NEMP2: variants seen among roughly 807,000 people sequenced by gnomAD.
NEMP2 encodes UPF0571 transmembrane protein.
A neutral mutation model predicts 54.2 loss-of-function variants in NEMP2; 53 were observed. The ratio of observed to expected loss-of-function variants is 0.98; its 90% CI spans 0.78 to 1.23. NEMP2 has a LOEUF of 1.23. Ranked by LOEUF, NEMP2 falls within the 50% of genes most tolerant of loss-of-function variation. NEMP2 has a pLI of 0.00. For synonymous variants in NEMP2, 197 were observed against 190.3 expected (o/e 1.04, Z -0.29); for missense variants, 455 against 511.3 (o/e 0.89, Z 1.06).
At chr2:190,500,811 C>A (rs1421137817), downstream of NEMP2, 1 of 152,612 alleles carries the variant, frequency 6.6e-6, no homozygotes, top group African/African-American at 2.4e-5. The surrounding 1 kb of genome is among the most constrained non-coding windows in gnomAD (Gnocchi z 5.3). Context: ...CTTTACATAT[C>A]TTTAGCAAAT....
At chr2:190,636,314 G>A in the NEMP2 span, among the ~76,000 whole-genome samples, 1 of 152,050 alleles carries the variant, frequency 6.6e-6, no homozygotes, top group Admixed American at 6.5e-5. Context: ...TCAGATTTTT[G>A]GATTTTCTCA....
At chr2:190,427,299 C>T in the NEMP2 span, among the ~76,000 whole-genome samples, 1 of 152,164 alleles carries the variant, frequency 6.6e-6, no homozygotes, top group Non-Finnish European at 1.5e-5. Context: ...TTGGGGGTTC[C>T]CCATTATAGC....
At position 190,509,135 on chromosome 2, in the gene NEMP2, C is replaced by T; in HGVS notation, c.*54G>A. The T allele has an allele frequency of 6.5e-7, 1 of 1,545,090 alleles. No individual in the cohort carries two copies. The highest frequency in any genetic ancestry group is 8.7e-7 in the Non-Finnish European group (1 of 1,143,228). On this transcript the variant is annotated 3_prime_UTR_variant, in exon 9 of 9. Coordinates refer to ENST00000409150, the MANE Select transcript of NEMP2 (RefSeq NM_001142645.2). The surrounding 1 kb of genome is among the most constrained non-coding windows in gnomAD (Gnocchi z 6.1). ...AGTTCTGCCTAACTTTAATAGAATC[C>T]CTGCCCTTTGCCCACTTCCTTGTCC...
chr2:190,523,538 G>GTGTA lies in NEMP2; in HGVS notation c.213+1721_213+1724dup, dbSNP rs1559164208. On this transcript the variant is annotated intron_variant, in intron 2 of 8. Transcript: ENST00000409150. The surrounding 1 kb of genome is among the most constrained non-coding windows in gnomAD (Gnocchi z 5.3). ...TAGATGTATGTGCAGGCCTATGCGT[G>GTGTA]TGTATGTGTTTGTACACACATGATG... Among the ~76,000 whole-genome samples the GTGTA allele has an allele frequency of 6.6e-6, 1 of 152,176 alleles. No individual in the cohort carries two copies. The highest frequency in any genetic ancestry group is 2.4e-5 in the African/African-American group (1 of 41,444).
chr2:190,470,797 A>G, the NEMP2 span, among the ~76,000 whole-genome samples: 1 of 152,230 alleles, frequency 6.6e-6, no homozygotes, highest in African/African-American at 2.4e-5. Context: ...AACAGAATGT[A>G]CAAAATGCCA....
At chr2:190,620,160 C>T in the NEMP2 span, among the ~76,000 whole-genome samples, 1 of 152,124 alleles carries the variant, frequency 6.6e-6, no homozygotes, top group African/African-American at 2.4e-5. This position sits in a 1 kb window ranked among gnomAD's most constrained non-coding sequence, Gnocchi z 4.9. Flanking sequence ...AGAAGTTTGT[C>T]GAGACAGTTT....
chr2:190,421,550 G>T, the NEMP2 span, among the ~76,000 whole-genome samples: 2 of 151,970 alleles, frequency 1.3e-5, no homozygotes, highest in South Asian at 4.2e-4. Flanking sequence ...TCTCTTCCCA[G>T]AGGCAACTAC....
chr2:190,477,825 A>G, the NEMP2 span, among the ~76,000 whole-genome samples: 5 of 152,324 alleles, frequency 3.3e-5, no homozygotes, highest in South Asian at 1.0e-3. Flanking sequence ...TAACTTTGTG[A>G]AGCAGGGAGT....
rs190778085 is a variant in NEMP2, at chr2:190,520,007, G to A, written c.214-824C>T. Among the ~76,000 whole-genome samples the A allele has an allele frequency of 9.0e-4, 137 of 152,022 alleles. No homozygotes were observed. The highest frequency in any genetic ancestry group is 1.4e-3 in the Non-Finnish European group (92 of 67,996). On this transcript the variant is annotated intron_variant, in intron 2 of 8. Coordinates refer to ENST00000409150, the MANE Select transcript of NEMP2 (RefSeq NM_001142645.2). This position sits in a 1 kb window ranked among gnomAD's most constrained non-coding sequence, Gnocchi z 5.4. Reference sequence around the variant, plus strand: ...GTTTTTTTAAAGATATAATTCTATTGCACCCTTAATAGACTAACAGTATAG... The same window carrying A: ...GTTTTTTTAAAGATATAATTCTATTACACCCTTAATAGACTAACAGTATAG...
chr2:190,515,407 C>T (rs1690518094), intron 6 of NEMP2, among the ~76,000 whole-genome samples: 2 of 152,120 alleles, frequency 1.3e-5, no homozygotes, highest in South Asian at 4.1e-4. Flanking sequence ...CAGGACAAAA[C>T]AGATACTAAA....
chr2:190,570,866 T>A, the NEMP2 span, among the ~76,000 whole-genome samples: 56 of 152,358 alleles, frequency 3.7e-4, no homozygotes, highest in East Asian at 8.7e-3. This position sits in a 1 kb window ranked among gnomAD's most constrained non-coding sequence, Gnocchi z 5.4. Context: ...TGTAATTCAC[T>A]TCAAACAAAA....
the NEMP2 span, among the ~76,000 whole-genome samples, chr2:190,581,868 T>G: frequency 6.6e-6 from 1 of 152,114 alleles, no homozygotes; most frequent in Non-Finnish European, 1.5e-5. Flanking sequence ...TTGCAATTCC[T>G]AAAAAGTCAT....
chr2:190,498,176 C>G, the NEMP2 span, among the ~76,000 whole-genome samples: 1 of 152,162 alleles, frequency 6.6e-6, no homozygotes, highest in Non-Finnish European at 1.5e-5. This position sits in a 1 kb window ranked among gnomAD's most constrained non-coding sequence, Gnocchi z 5.9. Context: ...CAGGTGGCCT[C>G]ACCTGAAAAA....
At position 190,534,619 on chromosome 2, in the gene NEMP2, A is replaced by C. The variant is rs897579732; in HGVS notation, c.37T>G (p.Trp13Gly). The change falls in exon 1 of 9, where the codon TGG (tryptophan) becomes GGG (glycine). Residue 13 changes from tryptophan to glycine, a missense_variant. Around this residue, in one of 3 missense-constraint regions of NEMP2, gnomAD observed 100 missense variants for 80.2 expected, o/e 1.25. Coordinates refer to ENST00000409150, the MANE Select transcript of NEMP2 (RefSeq NM_001142645.2). ...PRQGRWWLLLWLPPLATLPVR... is the reference protein window; with the variant it reads ...PRQGRWWLLLGLPPLATLPVR... ...GGCAGTGTGGCCAGGGGCGGCAGCC[A>C]GAGCAGCAGCCACCACCGCCCTTGG... The C allele has an allele frequency of 1.5e-6, 2 of 1,373,344 alleles. No homozygotes were observed. The highest frequency in any genetic ancestry group is 3.0e-5 in the African/African-American group (2 of 65,874). The allele number at this position is 1,373,344 out of a possible 1,614,324, so 85.1% of individuals were successfully genotyped here. A position where few individuals can be genotyped will look rare whatever the true frequency, so the allele number is the denominator to read the frequency against.
the NEMP2 span, among the ~76,000 whole-genome samples, chr2:190,432,926 G>A: frequency 6.6e-6 from 1 of 150,982 alleles, no homozygotes; most frequent in Non-Finnish European, 1.5e-5. Context: ...GCTAACTCAT[G>A]AGCCTTTCAG....
At chr2:190,511,755 C>A (rs1690374427) in intron 7 of NEMP2, among the ~76,000 whole-genome samples, 1 of 150,918 alleles carries the variant, frequency 6.6e-6, no homozygotes, top group African/African-American at 2.4e-5. Flanking sequence ...GGGGTTTCAC[C>A]ATGTTGGTCA....
At chr2:190,466,639 C>A in the NEMP2 span, among the ~76,000 whole-genome samples, 1 of 152,166 alleles carries the variant, frequency 6.6e-6, no homozygotes, top group African/African-American at 2.4e-5. Context: ...GTCATTTTCA[C>A]AACAAACCTA....
the NEMP2 span, among the ~76,000 whole-genome samples, chr2:190,602,549 G>A: frequency 2.0e-5 from 3 of 152,304 alleles, no homozygotes; most frequent in African/African-American, 7.2e-5. Flanking sequence ...GCCTATGCAA[G>A]TTGACACTCA....
At chr2:190,613,076 T>C in the NEMP2 span, among the ~76,000 whole-genome samples, 63 of 152,350 alleles carry the variant, frequency 4.1e-4, 1 homozygote, top group East Asian at 3.3e-3. Flanking sequence ...TTAAAAGTTA[T>C]GAAATCACCA....
Sources: gnomAD v4.1 joint callset for allele counts (sites outside exome capture counted in the v4.1 genomes callset) on GRCh38, gnomAD v4.1.1 for gene constraint, gnomAD v4.1.1 regional missense constraint, Gnocchi (gnomAD v3.1) non-coding constraint, MANE v1.5 for transcripts, NCBI Gene and HGNC (gene_info 2026-07-23, HGNC 2026-07-21) for gene names.